Variants in PELI2 observed in about 807,000 individuals in gnomAD.
PELI2 encodes the protein pellino E3 ubiquitin protein ligase family member 2.
A neutral mutation model predicts 42.3 loss-of-function variants in PELI2; 23 were observed. That is an observed-to-expected ratio of 0.54 (90% confidence interval 0.39 to 0.77). The LOEUF (loss-of-function observed/expected upper bound fraction) is 0.77. Among genes scored for constraint, PELI2 ranks in the 30% least tolerant of loss-of-function variants. PELI2 has a pLI of 0.00. For synonymous variants in PELI2, 245 were observed against 212.2 expected (o/e 1.15, Z -1.34); for missense variants, 463 against 553.2 (o/e 0.84, Z 1.64).
intron 1 of PELI2, among the ~76,000 whole-genome samples, chr14:56,146,195 A>C (rs1318316178): frequency 6.6e-6 from 1 of 152,196 alleles, no homozygotes; most frequent in South Asian, 2.1e-4. Context: ...TGTGGAGTGC[A>C]GTATGATTTC....
chr14:56,141,760 T>G (rs1168530974), intron 1 of PELI2, among the ~76,000 whole-genome samples: 1 of 152,148 alleles, frequency 6.6e-6, no homozygotes, highest in Non-Finnish European at 1.5e-5. Flanking sequence ...CCCCCAAGAT[T>G]CAGTTATCTC....
At chr14:56,289,556 C>T (rs923949733) in intron 4 of PELI2, among the ~76,000 whole-genome samples, 2 of 152,140 alleles carry the variant, frequency 1.3e-5, no homozygotes, top group African/African-American at 4.8e-5. Context: ...TGTAAACCAG[C>T]TATTGGGAAG....
At chr14:56,163,293 ATGGATATCCAG>A (rs1884833795) in intron 1 of PELI2, among the ~76,000 whole-genome samples, 1 of 152,098 alleles carries the variant, frequency 6.6e-6, no homozygotes, top group Non-Finnish European at 1.5e-5. Context: ...TTTTCTGCAT[ATGGATATCCAG>A]TTTTCCCAGC....
At chr14:56,249,814 A>G (rs751090593) in intron 2 of PELI2, among the ~76,000 whole-genome samples, 16 of 152,154 alleles carry the variant, frequency 1.1e-4, no homozygotes, top group Non-Finnish European at 2.1e-4. Flanking sequence ...TGTCCCATCA[A>G]TGTGTGCCCT....
At chr14:56,224,549 A>C (rs758419631) in intron 2 of PELI2, among the ~76,000 whole-genome samples, 1 of 152,248 alleles carries the variant, frequency 6.6e-6, no homozygotes, top group Non-Finnish European at 1.5e-5. Flanking sequence ...GAATTCTTAC[A>C]GTATAATGTA....
intron 1 of PELI2, among the ~76,000 whole-genome samples, chr14:56,125,465 G>A (rs1883221481): frequency 6.6e-6 from 1 of 151,846 alleles, no homozygotes; most frequent in Non-Finnish European, 1.5e-5. Flanking sequence ...AGGTAGTGGG[G>A]GATCCTTTTG....
intron 2 of PELI2, among the ~76,000 whole-genome samples, chr14:56,257,020 C>T (rs1468824669): frequency 3.9e-5 from 6 of 152,256 alleles, no homozygotes; most frequent in East Asian, 3.9e-4. Flanking sequence ...TGAATTTTAA[C>T]GTTCATCTTT....
chr14:56,155,538 T>C (rs182676398), intron 1 of PELI2, among the ~76,000 whole-genome samples: 11 of 152,188 alleles, frequency 7.2e-5, no homozygotes, highest in Admixed American at 7.2e-4. Flanking sequence ...TCTGAAGTGT[T>C]TCTTCTGTTC....
chr14:56,285,112 A>T (rs1889603740), intron 3 of PELI2, among the ~76,000 whole-genome samples: 1 of 152,222 alleles, frequency 6.6e-6, no homozygotes, highest in African/African-American at 2.4e-5. Flanking sequence ...AAACTACTGT[A>T]TGGAAAAGAA....
intron 2 of PELI2, among the ~76,000 whole-genome samples, chr14:56,209,613 A>G (rs1386843520): frequency 6.6e-6 from 1 of 152,208 alleles, no homozygotes; most frequent in African/African-American, 2.4e-5. Flanking sequence ...AAAAATTTTT[A>G]ATTTTAATTT....
chr14:56,268,556 C>T (rs952769004), intron 2 of PELI2, among the ~76,000 whole-genome samples: 1 of 152,184 alleles, frequency 6.6e-6, no homozygotes, highest in Non-Finnish European at 1.5e-5. Flanking sequence ...TGGCATTTCA[C>T]AAGAATGTTG....
chr14:56,122,763 T>C lies in PELI2; in HGVS notation c.77+4026T>C, dbSNP rs139002248. ...ATATTCAAACTGCAGTTTAGCATTT[T>C]CATTCACTTATGAGTGTAGGCAACA... On this transcript the variant is annotated intron_variant, in intron 1 of 5. Coordinates refer to ENST00000267460, the MANE Select transcript of PELI2 (RefSeq NM_021255.3). 1.1e-3 allele frequency among the ~76,000 whole-genome samples: 173 copies of C among 152,362 alleles called. 1 individual carries two copies. The highest frequency in any genetic ancestry group is 4.0e-3 in the African/African-American group (166 of 41,586).
intron 2 of PELI2, among the ~76,000 whole-genome samples, chr14:56,232,636 AC>A (rs1427390282): frequency 6.6e-6 from 1 of 151,606 alleles, no homozygotes; most frequent in African/African-American, 2.4e-5. Flanking sequence ...TTTATGACAA[AC>A]CCCCAGCCAG....
intron 1 of PELI2, among the ~76,000 whole-genome samples, chr14:56,131,504 A>T (rs1883480555): frequency 6.6e-6 from 1 of 152,240 alleles, no homozygotes; most frequent in South Asian, 2.1e-4. Flanking sequence ...AAAACCAGAG[A>T]CCTGGAAGCA....
intron 2 of PELI2, among the ~76,000 whole-genome samples, chr14:56,258,381 A>C (rs965223388): frequency 6.6e-6 from 1 of 152,152 alleles, no homozygotes; most frequent in Non-Finnish European, 1.5e-5. Flanking sequence ...ACCTATACCC[A>C]GGAGGAAAAT....
At chr14:56,149,963 C>T (rs1224523837) in intron 1 of PELI2, among the ~76,000 whole-genome samples, 1 of 152,154 alleles carries the variant, frequency 6.6e-6, no homozygotes, top group Non-Finnish European at 1.5e-5. Flanking sequence ...ACTCTCTATG[C>T]TAGCTCCAGC....
At chr14:56,253,208 A>G (rs1395019329) in intron 2 of PELI2, among the ~76,000 whole-genome samples, 1 of 152,234 alleles carries the variant, frequency 6.6e-6, no homozygotes, top group African/African-American at 2.4e-5. Flanking sequence ...TCTCAAAATA[A>G]TAAGAGCTGT....
Position 56,273,705 on chromosome 14 carries a change from CA to C in PELI2, c.208-5970del, listed in dbSNP as rs1437584252. ...TGAACAACAGTGGCAAGAGAGGGCTCAGGGGTGACATGAAGTTTTTAAGTGT... is the reference window on the plus strand; with the variant it reads ...TGAACAACAGTGGCAAGAGAGGGCTCGGGGTGACATGAAGTTTTTAAGTGT... On this transcript the variant is annotated intron_variant, in intron 2 of 5. Coordinates refer to ENST00000267460, the MANE Select transcript of PELI2 (RefSeq NM_021255.3). The surrounding 1 kb of genome is among the most constrained non-coding windows in gnomAD (Gnocchi z 4.3). Among the ~76,000 whole-genome samples, 1 of 152,166 alleles carries C rather than the reference CA, an allele frequency of 6.6e-6. No homozygotes were observed. Among genetic ancestry groups the C allele is most frequent in the Admixed American group, 6.5e-5 (1 of 15,274 alleles).
chr14:56,243,733 G>T (rs1888058350), intron 2 of PELI2, among the ~76,000 whole-genome samples: 1 of 152,162 alleles, frequency 6.6e-6, no homozygotes, highest in Non-Finnish European at 1.5e-5. Context: ...TAAAAGGAGT[G>T]ACAAAAATAA....
Sources: gnomAD v4.1 joint callset for allele counts (sites outside exome capture counted in the v4.1 genomes callset) on GRCh38, gnomAD v4.1.1 for gene constraint, Gnocchi (gnomAD v3.1) non-coding constraint, MANE v1.5 for transcripts, NCBI Gene and HGNC (gene_info 2026-07-23, HGNC 2026-07-21) for gene names.